The following MSANTD3 variants were observed in gnomAD, a reference collection of about 807,000 sequenced individuals.
MSANTD3 encodes Myb/SANT DNA binding domain containing 3.
A neutral mutation model predicts 27.7 loss-of-function variants in MSANTD3; 11 were observed. The ratio of observed to expected loss-of-function variants is 0.40; its 90% confidence interval spans 0.25 to 0.66. The LOEUF is 0.66. MSANTD3 is among the 30% of genes least tolerant of loss of function. MSANTD3 has a pLI of 0.41. For missense variants in MSANTD3, 250 were observed against 336.5 expected, an observed-to-expected ratio of 0.74 and a Z score of 2.01; for synonymous variants, 131 against 127.2, an observed-to-expected ratio of 1.03 and a Z score of -0.20.
intron 2 of MSANTD3, among the ~76,000 whole-genome samples, chr9:100,447,052 A>C (rs1245101968): frequency 7.9e-5 from 12 of 152,026 alleles, no homozygotes; most frequent in Non-Finnish European, 1.3e-4. Context: ...CCAGTTGTCC[A>C]AGTGAAAGAA....
At chr9:100,430,096 A>AG (rs1491544213) in intron 1 of MSANTD3, among the ~76,000 whole-genome samples, 1 of 91,360 alleles carries the variant, frequency 1.1e-5, no homozygotes, top group African/African-American at 4.2e-5. Context: ...TCTCTCTCTC[A>AG]AAAAAAAAAA....
intron 1 of MSANTD3, among the ~76,000 whole-genome samples, chr9:100,434,729 C>A (rs1484352048): frequency 6.6e-6 from 1 of 152,154 alleles, no homozygotes; most frequent in Non-Finnish European, 1.5e-5. Flanking sequence ...CCTCTTCCCT[C>A]TTCTTCATGC....
chr9:100,428,433 A>C (rs58030694), intron 1 of MSANTD3, among the ~76,000 whole-genome samples: 3 of 152,070 alleles, frequency 2.0e-5, no homozygotes, highest in African/African-American at 7.2e-5. Flanking sequence ...GTGGGAGTCC[A>C]GGGCCAGAGA....
intron 1 of MSANTD3, among the ~76,000 whole-genome samples, chr9:100,439,140 G>A (rs572482783): frequency 3.9e-5 from 6 of 152,266 alleles, no homozygotes; most frequent in Admixed American, 6.5e-5. Flanking sequence ...GAGGCAGTGC[G>A]TAGTGAGAGA....
intron 1 of MSANTD3, among the ~76,000 whole-genome samples, chr9:100,439,913 G>A (rs1020271113): frequency 1.3e-5 from 2 of 152,076 alleles, no homozygotes; most frequent in African/African-American, 2.4e-5. Context: ...TCAGAGGCTT[G>A]GAGAATGTAA....
Position 100,450,837 on chromosome 9 carries a change from A to C in MSANTD3, c.699A>C (p.Ala233=), listed in dbSNP as rs758254141. 10 of 1,614,242 alleles carry C rather than the reference A, an allele frequency of 6.2e-6. No individual in the cohort carries two copies. The Admixed American group carries it at 1.7e-4, about 27-fold the overall frequency. ...IQQIERECEM[A]EEEHRIKMEV... ...AGATAGAGCGAGAGTGTGAGATGGCAGAGGAGGAACACAGGATAAAAATGG... is the reference window on the plus strand; with the variant it reads ...AGATAGAGCGAGAGTGTGAGATGGCCGAGGAGGAACACAGGATAAAAATGG... The change falls in exon 3 of 3, where the codon GCA becomes GCC. Residue 233 remains alanine, a synonymous_variant. Coordinates refer to ENST00000395067, the MANE Select transcript of MSANTD3 (RefSeq NM_080655.3).
intron 2 of MSANTD3, among the ~76,000 whole-genome samples, chr9:100,446,578 C>T (rs1364034883): frequency 6.6e-6 from 1 of 152,134 alleles, no homozygotes; most frequent in African/African-American, 2.4e-5. Context: ...GTAATCCTAG[C>T]ACTTTGGGAG....
chr9:100,447,267 T>A (rs1836776806), intron 2 of MSANTD3, among the ~76,000 whole-genome samples: 1 of 152,218 alleles, frequency 6.6e-6, no homozygotes. Flanking sequence ...GTAGTTTCTA[T>A]TCATTGGAGC....
intron 2 of MSANTD3, among the ~76,000 whole-genome samples, chr9:100,443,124 G>A (rs1836668779): frequency 6.6e-6 from 1 of 152,198 alleles, no homozygotes; most frequent in Non-Finnish European, 1.5e-5. Flanking sequence ...AACCGGCTGG[G>A]TTCTGTGGCT....
At position 100,440,903 on chromosome 9, in the gene MSANTD3, G is replaced by A; in HGVS notation, c.-33-1003G>A. On this transcript the variant is annotated intron_variant, in intron 1 of 2. Coordinates refer to ENST00000395067, the MANE Select transcript of MSANTD3 (RefSeq NM_080655.3). ...GCCTCCCAAAGTGCTGGGATTACAG[G>A]TGTGAGCCACTGTGCCCGGCTGTAC... 1.4e-5 allele frequency among the ~76,000 whole-genome samples: 2 copies of A among 144,394 alleles called. 1 individual carries two copies. The highest frequency in any genetic ancestry group is 4.5e-4 in the South Asian group (2 of 4,440). The allele number at this position is 144,394 out of a possible 152,430, so 94.7% of individuals were successfully genotyped here. A position where few individuals can be genotyped will look rare whatever the true frequency, so the allele number is the denominator to read the frequency against.
chr9:100,449,085 G>C, intron 2 of MSANTD3: 1 of 985,248 alleles, frequency 1.0e-6, no homozygotes, highest in Non-Finnish European at 1.2e-6. Flanking sequence ...TAATAAATTG[G>C]CATTGTTTTT....
intron 1 of MSANTD3, among the ~76,000 whole-genome samples, chr9:100,435,357 T>C (rs1359225154): frequency 6.6e-6 from 1 of 152,172 alleles, no homozygotes; most frequent in Non-Finnish European, 1.5e-5. Context: ...TGGTACCCAT[T>C]CTGAGTATTA....
At chr9:100,443,705 A>G (rs546289176) in intron 2 of MSANTD3, among the ~76,000 whole-genome samples, 11 of 152,386 alleles carry the variant, frequency 7.2e-5, no homozygotes, top group Admixed American at 5.9e-4. Context: ...GTTGGAATTT[A>G]GGGGCTATTG....
chr9:100,446,648 A>T (rs1836760405), intron 2 of MSANTD3, among the ~76,000 whole-genome samples: 1 of 152,112 alleles, frequency 6.6e-6, no homozygotes, highest in African/African-American at 2.4e-5. Flanking sequence ...CAACATGGCA[A>T]AACTCCTATC....
At chr9:100,449,827 A>G (rs559627483) in intron 2 of MSANTD3, among the ~76,000 whole-genome samples, 1 of 152,310 alleles carries the variant, frequency 6.6e-6, no homozygotes, top group Admixed American at 6.5e-5. Context: ...AGACTTGAGA[A>G]GGAGCAATCA....
chr9:100,441,651 G>T (rs1049148391), intron 1 of MSANTD3, among the ~76,000 whole-genome samples: 4 of 151,846 alleles, frequency 2.6e-5, no homozygotes, highest in African/African-American at 7.3e-5. Flanking sequence ...AAAAAAAAAT[G>T]TTCAACTTTT....
chr9:100,436,097 A>G (rs976429491), intron 1 of MSANTD3, among the ~76,000 whole-genome samples: 9 of 152,106 alleles, frequency 5.9e-5, no homozygotes, highest in Non-Finnish European at 1.3e-4. Flanking sequence ...CTTCTGTTGC[A>G]TCTGGATTTT....
chr9:100,447,323 A>G (rs1836778942), intron 2 of MSANTD3, among the ~76,000 whole-genome samples: 1 of 152,160 alleles, frequency 6.6e-6, no homozygotes, highest in African/African-American at 2.4e-5. Context: ...GAGCCTCTCT[A>G]GTTTAAAGCC....
At chr9:100,435,505 A>G (rs1836461267) in intron 1 of MSANTD3, among the ~76,000 whole-genome samples, 1 of 152,214 alleles carries the variant, frequency 6.6e-6, no homozygotes, top group Non-Finnish European at 1.5e-5. Context: ...TAGTCTTCTC[A>G]GGCTACCATA....
Sources: gnomAD v4.1 joint callset for allele counts (sites outside exome capture counted in the v4.1 genomes callset) on GRCh38, gnomAD v4.1.1 for gene constraint, MANE v1.5 for transcripts, NCBI Gene and HGNC (gene_info 2026-07-23, HGNC 2026-07-21) for gene names.